Variants in CDH4 observed in about 807,000 individuals in gnomAD.
The protein encoded by CDH4 is cadherin 4.
In CDH4, 33 loss-of-function variants were observed where a neutral mutation model predicts 86.0. The observed-to-expected ratio is 0.38, with a 90% CI of 0.29 to 0.51. CDH4 has a LOEUF of 0.51. Among genes scored for constraint, CDH4 ranks in the 20% least tolerant of loss-of-function variants. The pLI is 0.86. For missense variants in CDH4, 1,114 were observed against 1,307.4 expected (o/e 0.85, Z 2.28); for synonymous variants, 555 against 549.4 (o/e 1.01, Z -0.14).
chr20:61,606,121 C>T (rs532106738), intron 2 of CDH4, among the ~76,000 whole-genome samples: 15 of 152,142 alleles, frequency 9.9e-5, no homozygotes, highest in African/African-American at 2.4e-4. Flanking sequence ...GTCCTGAGGC[C>T]GGGCTGAACG....
intron 2 of CDH4, among the ~76,000 whole-genome samples, chr20:61,685,086 A>G (rs1266078841): frequency 6.6e-6 from 1 of 152,068 alleles, no homozygotes; most frequent in Non-Finnish European, 1.5e-5. Flanking sequence ...AGCCACTCCC[A>G]TTCCCTGCCC....
In CDH4 at chr20:61,665,203, C is replaced by CA. The variant is rs1243559664; in HGVS notation, c.170-78359dup. On this transcript the variant is annotated intron_variant, in intron 2 of 15. Transcript: ENST00000614565. ...ATAGTGGCGTCTTGGTCACACATCA[C>CA]AGACGGGAAGGCGAGCACCATGCTG... is the stretch of plus-strand genomic sequence containing the variant. Among the ~76,000 whole-genome samples the CA allele has an allele frequency of 2.0e-5, 3 of 152,240 alleles. No individual in the cohort carries two copies. In the East Asian group the frequency reaches 5.8e-4, roughly 29 times the overall value.
chr20:61,354,480 G>T (rs570622949), intron 2 of CDH4, among the ~76,000 whole-genome samples: 101 of 152,350 alleles, frequency 6.6e-4, no homozygotes, highest in African/African-American at 2.3e-3. Context: ...CACAATCCAG[G>T]TGGTGGCTGT....
At chr20:61,564,968 T>TA (rs1177323080) in intron 2 of CDH4, among the ~76,000 whole-genome samples, 1 of 151,352 alleles carries the variant, frequency 6.6e-6, no homozygotes, top group Non-Finnish European at 1.5e-5. Context: ...TCATGAGGAT[T>TA]AAAAAATATC....
intron 2 of CDH4, among the ~76,000 whole-genome samples, chr20:61,583,742 A>G (rs1424556993): frequency 6.6e-6 from 1 of 152,224 alleles, no homozygotes; most frequent in Non-Finnish European, 1.5e-5. Flanking sequence ...CTCAGTGTCT[A>G]TGAGACTCCT....
intron 2 of CDH4, among the ~76,000 whole-genome samples, chr20:61,318,989 A>G (rs1263415842): frequency 1.3e-5 from 2 of 152,300 alleles, no homozygotes; most frequent in South Asian, 2.1e-4. Context: ...ACTGATATGG[A>G]GATGCTGCAC....
At chr20:61,362,298 G>A (rs1316845305) in intron 2 of CDH4, among the ~76,000 whole-genome samples, 2 of 152,174 alleles carry the variant, frequency 1.3e-5, no homozygotes, top group East Asian at 1.9e-4. Flanking sequence ...AGAGTATTCA[G>A]CAGGGAAGGG....
At chr20:61,885,728 C>T (rs1365490786) in intron 7 of CDH4, among the ~76,000 whole-genome samples, 1 of 152,224 alleles carries the variant, frequency 6.6e-6, no homozygotes, top group Non-Finnish European at 1.5e-5. Context: ...TGCCTGCACT[C>T]CCTCCTCCCA....
At chr20:61,565,218 T>TGATGG (rs1347868814) in intron 2 of CDH4, among the ~76,000 whole-genome samples, 4 of 22,014 alleles carry the variant, frequency 1.8e-4, no homozygotes, top group Admixed American at 8.2e-4. Context: ...GTGCTCTCGG[T>TGATGG]GGTAGGTGGT....
intron 13 of CDH4, among the ~76,000 whole-genome samples, chr20:61,931,506 G>A (rs2055109195): frequency 6.6e-6 from 1 of 152,196 alleles, no homozygotes; most frequent in Non-Finnish European, 1.5e-5. Context: ...CCTGACTGGG[G>A]GGTCGCCGCC....
At chr20:61,904,181 C>G (rs903619028) in intron 8 of CDH4, among the ~76,000 whole-genome samples, 3 of 152,190 alleles carry the variant, frequency 2.0e-5, no homozygotes, top group Non-Finnish European at 1.5e-5. Context: ...GGGCCTCCAC[C>G]AGGGATTGGA....
rs866658662 is a variant in CDH4, at chr20:61,879,726, G to A, written c.1050+5826G>A. Among the ~76,000 whole-genome samples the A allele has an allele frequency of 1.6e-4, 24 of 152,092 alleles. No individual in the cohort carries two copies. Among genetic ancestry groups the A allele is most frequent in the African/African-American group, 4.3e-4 (18 of 41,418 alleles). On this transcript the variant is annotated intron_variant, in intron 7 of 15. Coordinates refer to ENST00000614565, the MANE Select transcript of CDH4 (RefSeq NM_001794.5). The surrounding 1 kb of genome is among the most constrained non-coding windows in gnomAD (Gnocchi z 4.1). ...GAGGTGAACGTGCCGCCCGAGCCCC[G>A]TCCTGAAGGTGAGAGTGGGCTCTGC...
intron 2 of CDH4, among the ~76,000 whole-genome samples, chr20:61,256,883 A>C (rs907069410): frequency 1.3e-5 from 2 of 152,026 alleles, no homozygotes; most frequent in Admixed American, 6.5e-5. Flanking sequence ...GTAGAGTCTC[A>C]GGAAGAAAGA....
rs1399690963 is a variant in CDH4, at chr20:61,269,889, G to A, written c.169+14952G>A. Among the ~76,000 whole-genome samples the A allele has an allele frequency of 2.0e-5, 3 of 152,174 alleles. No homozygotes were observed. Among genetic ancestry groups the A allele is most frequent in the Non-Finnish European group, 2.9e-5 (2 of 68,040 alleles). ...GTGGTACTCATTTCCACATGGCCCC[G>A]GCTGTTGACGATGACCTTAAGCTCC... is the stretch of plus-strand genomic sequence containing the variant. On this transcript the variant is annotated intron_variant, in intron 2 of 15. Coordinates refer to ENST00000614565, the MANE Select transcript of CDH4 (RefSeq NM_001794.5). The surrounding 1 kb of genome is among the most constrained non-coding windows in gnomAD (Gnocchi z 5.3).
At chr20:61,284,177 T>C (rs1250120842) in intron 2 of CDH4, among the ~76,000 whole-genome samples, 1 of 149,440 alleles carries the variant, frequency 6.7e-6, no homozygotes, top group South Asian at 2.1e-4. Context: ...TGGCCTGGCA[T>C]AGTGGTGGGT....
At chr20:61,487,371 A>G (rs2085602440) in intron 2 of CDH4, among the ~76,000 whole-genome samples, 1 of 152,122 alleles carries the variant, frequency 6.6e-6, no homozygotes, top group Non-Finnish European at 1.5e-5. Flanking sequence ...GGTCAGGATT[A>G]TTGGCCTCGG....
intron 2 of CDH4, among the ~76,000 whole-genome samples, chr20:61,384,259 C>T (rs1027485696): frequency 6.6e-6 from 1 of 152,054 alleles, no homozygotes; most frequent in African/African-American, 2.4e-5. Flanking sequence ...AGGTTGACAC[C>T]CAGTATTAAC....
chr20:61,477,132 T>A (rs1028996643), intron 2 of CDH4, among the ~76,000 whole-genome samples: 4 of 152,114 alleles, frequency 2.6e-5, no homozygotes, highest in South Asian at 4.2e-4. Flanking sequence ...AGATGCCTGG[T>A]CCCTGCCTCC....
At chr20:61,261,143 C>G (rs762194434) in intron 2 of CDH4, among the ~76,000 whole-genome samples, 3 of 152,302 alleles carry the variant, frequency 2.0e-5, no homozygotes, top group South Asian at 4.1e-4. Flanking sequence ...AATCTAGGCT[C>G]AAGGAGGTGG....
Sources: allele counts gnomAD v4.1 joint callset (sites outside exome capture counted in the v4.1 genomes callset), GRCh38; gene constraint gnomAD v4.1.1; non-coding constraint Gnocchi (gnomAD v3.1); transcripts MANE v1.5; gene names NCBI Gene and HGNC (gene_info 2026-07-23, HGNC 2026-07-21).